The following ITGA11 variants were observed in gnomAD, a reference collection of about 807,000 sequenced individuals.
The protein encoded by ITGA11 is integrin alpha-11.
ITGA11 carries 97 observed loss-of-function variants against 141.9 expected under a neutral mutation model. The ratio of observed to expected loss-of-function variants is 0.68; its 90% CI spans 0.58 to 0.81. The LOEUF is 0.81. Among genes scored for constraint, ITGA11 ranks in the 30% least tolerant of loss-of-function variants. ITGA11 has a pLI of 0.00. For missense variants in ITGA11, 1,387 were observed against 1,559.2 expected (o/e 0.89, Z 1.86); for synonymous variants, 658 against 624.6 (o/e 1.05, Z -0.80).
At chr15:68,327,641 A>G (rs1056739929) in intron 16 of ITGA11, among the ~76,000 whole-genome samples, 3 of 152,186 alleles carry the variant, frequency 2.0e-5, no homozygotes, top group African/African-American at 7.2e-5. Flanking sequence ...ATGGACCCTC[A>G]GAAGGAAACT....
At chr15:68,312,972 A>G in intron 23 of ITGA11, 109 bp from the exon 24 acceptor site, 3 of 731,296 alleles carry the variant, frequency 4.1e-6, no homozygotes, top group Non-Finnish European at 7.0e-6. Context: ...GGCCACGAAA[A>G]ACAGGTTCCC....
chr15:68,326,914 C>G lies in ITGA11; in HGVS notation c.2069-118G>C. ...GGGGAGAGCTGTTCCTTTCCTCTCA[C>G]GAGCCCCAGTGTGGGTGAGAAACTC... On this transcript the variant is annotated intron_variant, in intron 16 of 29. Coordinates refer to ENST00000315757, the MANE Select transcript of ITGA11 (RefSeq NM_001004439.2). This position sits in a 1 kb window ranked among gnomAD's most constrained non-coding sequence, Gnocchi z 6.8. 8.9e-7 allele frequency: 1 copy of G among 1,124,152 alleles called. No homozygotes were observed. The highest frequency in any genetic ancestry group is 1.2e-6 in the Non-Finnish European group (1 of 809,918). 69.6% of individuals were successfully genotyped at this position (1,124,152 alleles called of 1,614,324 possible).
At chr15:68,347,541 G>A (rs567603097) in intron 10 of ITGA11, among the ~76,000 whole-genome samples, 5 of 152,210 alleles carry the variant, frequency 3.3e-5, no homozygotes, top group African/African-American at 9.7e-5. Context: ...GCTCAGAAAA[G>A]TCTGAGTGTG....
intron 26 of ITGA11, among the ~76,000 whole-genome samples, chr15:68,309,754 C>A (rs550040011): frequency 6.6e-6 from 1 of 152,152 alleles, no homozygotes; most frequent in Non-Finnish European, 1.5e-5. Flanking sequence ...CCACACCCGG[C>A]TGATTTTTGT....
At position 68,315,746 on chromosome 15, in the gene ITGA11, A is replaced by C. The variant is rs377343439; in HGVS notation, c.2716-19T>G. ...AAGCCACCTGCAAGGAAGCAGTCGCATGTCTGGGCATTGCTGGGACCAGCC... is the reference window on the plus strand; with the variant it reads ...AAGCCACCTGCAAGGAAGCAGTCGCCTGTCTGGGCATTGCTGGGACCAGCC... On this transcript the variant is annotated intron_variant, in intron 21 of 29. Transcript: ENST00000315757. 1.6e-5 allele frequency: 25 copies of C among 1,593,322 alleles called. No individual in the cohort carries two copies. Among genetic ancestry groups the C allele is most frequent in the Non-Finnish European group, 2.1e-5 (25 of 1,168,464 alleles).
Position 68,301,780 on chromosome 15 carries a change from C to T in ITGA11, c.*1279G>A, listed in dbSNP as rs1893032264. 6.5e-6 allele frequency: 1 copy of T among 152,716 alleles called. No individual in the cohort carries two copies. The highest frequency in any genetic ancestry group is 2.4e-5 in the African/African-American group (1 of 41,554). 9.5% of individuals were successfully genotyped at this position (152,716 alleles called of 1,614,324 possible). A position where few individuals can be genotyped will look rare whatever the true frequency, so the allele number is the denominator to read the frequency against. On this transcript the variant is annotated 3_prime_UTR_variant, in exon 30 of 30. Coordinates refer to ENST00000315757, the MANE Select transcript of ITGA11 (RefSeq NM_001004439.2). The surrounding 1 kb of genome is among the most constrained non-coding windows in gnomAD (Gnocchi z 4.4). ...CGTACTATGCACAGGGGGACTGATG[C>T]CTTTCATGTGTCCCCCTTGCATTTC...
At chr15:68,384,872 C>T (rs1278496559) in intron 2 of ITGA11, among the ~76,000 whole-genome samples, 2 of 128,608 alleles carry the variant, frequency 1.6e-5, no homozygotes, top group Non-Finnish European at 3.2e-5. Context: ...ACCAAGGCTG[C>T]CCCAGGCCTG....
At chr15:68,340,463 C>G (rs8028967) in intron 10 of ITGA11, among the ~76,000 whole-genome samples, 8,348 of 152,160 alleles carry the variant, frequency 0.055, 714 homozygotes, top group African/African-American at 0.18. Context: ...TCATAAGGAA[C>G]TGAACGCTGT....
Position 68,302,812 on chromosome 15 carries a change from G to T in ITGA11, c.*247C>A, listed in dbSNP as rs563703512. Reference sequence around the variant, plus strand: ...TTGGCATGGGCCTGGGTGTGTGTAGGGGTGTCCCTTTAAATCCCTAGGGGT... The same window carrying T: ...TTGGCATGGGCCTGGGTGTGTGTAGTGGTGTCCCTTTAAATCCCTAGGGGT... On this transcript the variant is annotated 3_prime_UTR_variant, in exon 30 of 30. Coordinates refer to ENST00000315757, the MANE Select transcript of ITGA11 (RefSeq NM_001004439.2). The T allele has an allele frequency of 1.1e-4, 55 of 499,266 alleles. No individual in the cohort carries two copies. In the South Asian group the frequency reaches 1.6e-3, roughly 14 times the overall value. 30.9% of individuals were successfully genotyped at this position (499,266 alleles called of 1,614,324 possible). A position where few individuals can be genotyped will look rare whatever the true frequency, so the allele number is the denominator to read the frequency against.
intron 20 of ITGA11, 114 bp from the exon 21 acceptor site, chr15:68,317,477 G>A: frequency 1.3e-6 from 1 of 758,682 alleles, no homozygotes; most frequent in Non-Finnish European, 2.4e-6. Flanking sequence ...CTCAGCCCCT[G>A]ATACCCATAT....
At position 68,321,555 on chromosome 15, in the gene ITGA11, T is replaced by C; in HGVS notation, c.2323-52A>G. The C allele has an allele frequency of 8.1e-7, 1 of 1,229,810 alleles. No homozygotes were observed. The highest frequency in any genetic ancestry group is 1.4e-5 in the South Asian group (1 of 69,894). 76.2% of individuals were successfully genotyped at this position (1,229,810 alleles called of 1,614,324 possible). On this transcript the variant is annotated intron_variant, in intron 18 of 29. Coordinates refer to ENST00000315757, the MANE Select transcript of ITGA11 (RefSeq NM_001004439.2). This position sits in a 1 kb window ranked among gnomAD's most constrained non-coding sequence, Gnocchi z 4.9. Reference sequence around the variant, plus strand: ...CAGCTGGGTAGGGACCCGCAGCCCCTCGCCCTCAATGTACACCAGCTCTGT... The same window carrying C: ...CAGCTGGGTAGGGACCCGCAGCCCCCCGCCCTCAATGTACACCAGCTCTGT...
chr15:68,311,161 C>G, intron 25 of ITGA11, 81 bp from the exon 26 acceptor site: 1 of 1,328,978 alleles, frequency 7.5e-7, no homozygotes. Flanking sequence ...AGAGAGGTTT[C>G]TTTTCTCCTC....
In ITGA11 at chr15:68,326,572, C is replaced by G; in HGVS notation, c.2211+82G>C. Reference sequence around the variant, plus strand: ...AGGTCTGCTGGGGGCTTAGAACCAGCCAGGCAGACTCTCTGCCTCTCCCAC... The same window carrying G: ...AGGTCTGCTGGGGGCTTAGAACCAGGCAGGCAGACTCTCTGCCTCTCCCAC... On this transcript the variant is annotated intron_variant, in intron 17 of 29. Coordinates refer to ENST00000315757, the MANE Select transcript of ITGA11 (RefSeq NM_001004439.2). This position sits in a 1 kb window ranked among gnomAD's most constrained non-coding sequence, Gnocchi z 6.8. 1 of 1,443,778 alleles carries G rather than the reference C, an allele frequency of 6.9e-7. No individual in the cohort carries two copies. The highest frequency in any genetic ancestry group is 1.4e-5 in the South Asian group (1 of 71,774). The allele number at this position is 1,443,778 out of a possible 1,614,324, so 89.4% of individuals were successfully genotyped here. A position where few individuals can be genotyped will look rare whatever the true frequency, so the allele number is the denominator to read the frequency against.
chr15:68,428,967 A>AT (rs1897208304), intron 1 of ITGA11, among the ~76,000 whole-genome samples: 1 of 152,178 alleles, frequency 6.6e-6, no homozygotes, highest in Admixed American at 6.5e-5. Flanking sequence ...CCTGGCATGT[A>AT]TGTCTCCTCT....
rs60069905 is a variant in ITGA11, at chr15:68,335,345, A to G, written c.1425+352T>C. Among the ~76,000 whole-genome samples the G allele has an allele frequency of 2.0e-5, 3 of 152,248 alleles. No homozygotes were observed. The highest frequency in any genetic ancestry group is 1.9e-4 in the East Asian group (1 of 5,180). On this transcript the variant is annotated intron_variant, in intron 12 of 29. Transcript: ENST00000315757. This position sits in a 1 kb window ranked among gnomAD's most constrained non-coding sequence, Gnocchi z 4.9. ...GATTGGAGCCCTGTTTTCACCACCA[A>G]TGACTCTTATAGCTTTCCAATTTGC...
intron 1 of ITGA11, among the ~76,000 whole-genome samples, chr15:68,419,776 T>C (rs1896973376): frequency 6.6e-6 from 1 of 152,248 alleles, no homozygotes; most frequent in Non-Finnish European, 1.5e-5. Context: ...ATGTATGACC[T>C]TGGGCAAGAC....
intron 1 of ITGA11, among the ~76,000 whole-genome samples, chr15:68,431,665 C>T (rs1897273509): frequency 6.6e-6 from 1 of 152,240 alleles, no homozygotes; most frequent in Non-Finnish European, 1.5e-5. Context: ...GCTCCCGGGA[C>T]ACCCGAGTGC....
At chr15:68,310,462 G>T (rs1356946605) in intron 26 of ITGA11, among the ~76,000 whole-genome samples, 1 of 152,196 alleles carries the variant, frequency 6.6e-6, no homozygotes, top group African/African-American at 2.4e-5. Flanking sequence ...TGAGAAACTG[G>T]TATCTGGAGG....
chr15:68,345,616 A>C (rs1894719742), intron 10 of ITGA11, among the ~76,000 whole-genome samples: 1 of 152,226 alleles, frequency 6.6e-6, no homozygotes, highest in Non-Finnish European at 1.5e-5. Context: ...TACCAGAACT[A>C]AACAGGCCCG....
Sources: allele counts gnomAD v4.1 joint callset (sites outside exome capture counted in the v4.1 genomes callset), GRCh38; gene constraint gnomAD v4.1.1; non-coding constraint Gnocchi (gnomAD v3.1); transcripts MANE v1.5; gene names NCBI Gene and HGNC (gene_info 2026-07-23, HGNC 2026-07-21).